The following NEGR1 variants were observed in gnomAD, a reference collection of about 807,000 sequenced individuals.
NEGR1 encodes the protein IgLON family member 4.
A neutral mutation model predicts 40.9 loss-of-function variants in NEGR1; 10 were observed. The observed-to-expected ratio is 0.24, with a 90% CI of 0.15 to 0.42. The LOEUF (loss-of-function observed/expected upper bound fraction) is 0.42. Ranked by LOEUF, NEGR1 falls within the 10% of genes least tolerant of loss-of-function variation. The pLI, the probability that NEGR1 is intolerant of heterozygous loss-of-function variation, is 1.00. For synonymous variants in NEGR1, 185 were observed against 166.8 expected, an observed-to-expected ratio of 1.11 and a Z score of -0.84; for missense variants, 352 against 438.9, an observed-to-expected ratio of 0.80 and a Z score of 1.77.
chr1:72,273,889 T>C (rs1655943988), intron 1 of NEGR1, among the ~76,000 whole-genome samples: 2 of 151,744 alleles, frequency 1.3e-5, no homozygotes, highest in African/African-American at 4.8e-5. Context: ...CATTGATTCA[T>C]TAATTCAAAA....
rs879633322 is a variant in NEGR1, at chr1:72,041,001, T to TAC, written c.177-105691_177-105690insGT. The stretch of plus-strand genomic sequence containing the variant: ...CTGTTTAGGTTCATCCATATGTCAT[T>TAC]GTAAGTAACCAATGTCAATAGTTCT... On this transcript the variant is annotated intron_variant, in intron 1 of 6. Transcript: ENST00000357731. 9.8e-3 allele frequency among the ~76,000 whole-genome samples: 1,492 copies of TAC among 152,092 alleles called. 22 individuals are homozygous for TAC. The highest frequency in any genetic ancestry group is 0.034 in the African/African-American group (1,431 of 41,530).
intron 6 of NEGR1, among the ~76,000 whole-genome samples, chr1:71,481,526 T>C (rs1392238837): frequency 6.6e-6 from 1 of 151,884 alleles, no homozygotes; most frequent in East Asian, 1.9e-4. Flanking sequence ...ACCATACCTA[T>C]TGAATATTAA....
At chr1:71,560,429 T>TTTTATATATA (rs1553150203) in intron 6 of NEGR1, among the ~76,000 whole-genome samples, 4 of 114,266 alleles carry the variant, frequency 3.5e-5, no homozygotes, top group African/African-American at 1.2e-4. Context: ...TAATTCTCCA[T>TTTTATATATA]TATATATATA....
chr1:71,776,126 G>C, intron 3 of NEGR1, 46 bp downstream of exon 3: 1 of 1,481,932 alleles, frequency 6.7e-7, no homozygotes, highest in Non-Finnish European at 9.1e-7. Context: ...GAGGTTACAG[G>C]AGAAAAATGA....
At chr1:72,055,096 A>C (rs1220423843) in intron 1 of NEGR1, among the ~76,000 whole-genome samples, 1 of 151,202 alleles carries the variant, frequency 6.6e-6, no homozygotes. Flanking sequence ...GTTTTTCCTT[A>C]AAAAATAATT....
At chr1:72,228,740 AT>A (rs558964303) in intron 1 of NEGR1, among the ~76,000 whole-genome samples, 37 of 152,240 alleles carry the variant, frequency 2.4e-4, no homozygotes, top group Non-Finnish European at 4.7e-4. Context: ...TAATGTGCTC[AT>A]GTTTTCATTC....
Position 71,999,994 on chromosome 1 carries a change from T to A in NEGR1, c.177-64683A>T, listed in dbSNP as rs549465083. On this transcript the variant is annotated intron_variant, in intron 1 of 6. Coordinates refer to ENST00000357731, the MANE Select transcript of NEGR1 (RefSeq NM_173808.3). ...TATTTGAGCCTCTATTTTGTGTATG[T>A]CATTGTACTGTGAACTAAATGTGCA... Among the ~76,000 whole-genome samples the A allele has an allele frequency of 3.3e-5, 5 of 152,034 alleles. No homozygotes were observed. The East Asian group carries it at 7.7e-4, about 24-fold the overall frequency.
intron 2 of NEGR1, among the ~76,000 whole-genome samples, chr1:71,836,046 T>C (rs1297622749): frequency 6.6e-6 from 1 of 152,010 alleles, no homozygotes; most frequent in African/African-American, 2.4e-5. Context: ...TATTGCAGGG[T>C]GGCTGATCAG....
intron 3 of NEGR1, among the ~76,000 whole-genome samples, chr1:71,735,608 A>G (rs2101669625): frequency 6.6e-6 from 1 of 152,224 alleles, no homozygotes; most frequent in South Asian, 2.1e-4. Flanking sequence ...TAGCTATGAT[A>G]AGAACTGCAA....
In NEGR1 at chr1:71,451,333, A is replaced by ATTTTTTTTT. The variant is rs35201330; in HGVS notation, c.941-43772_941-43764dup. Among the ~76,000 whole-genome samples the ATTTTTTTTT allele has an allele frequency of 1.1e-3, 149 of 138,332 alleles. 1 individual carries two copies. Among genetic ancestry groups the ATTTTTTTTT allele is most frequent in the African/African-American group, 3.7e-3 (134 of 36,636 alleles). The allele number at this position is 138,332 out of a possible 152,430, so 90.8% of individuals were successfully genotyped here. On this transcript the variant is annotated intron_variant, in intron 6 of 6. Transcript: ENST00000357731. ...TGAGAGGCACACAGTAGTGCTACAGATTTTTTTTTTTTTTTTTGAGTCAAA... is the reference window on the plus strand; with the variant it reads ...TGAGAGGCACACAGTAGTGCTACAGATTTTTTTTTTTTTTTTTTTTTTTTTTGAGTCAAA...
At chr1:72,263,452 A>T (rs1230775942) in intron 1 of NEGR1, among the ~76,000 whole-genome samples, 2 of 151,578 alleles carry the variant, frequency 1.3e-5, no homozygotes, top group Non-Finnish European at 3.0e-5. Context: ...AAGAAACATC[A>T]TTTGGAAAAA....
Position 71,579,409 on chromosome 1 carries a change from T to C in NEGR1, c.940+13408A>G, listed in dbSNP as rs1004437902. Among the ~76,000 whole-genome samples, 3 of 152,180 alleles carry C rather than the reference T, an allele frequency of 2.0e-5. 1 individual carries two copies. The highest frequency in any genetic ancestry group is 3.8e-4 in the East Asian group (2 of 5,200). On this transcript the variant is annotated intron_variant, in intron 6 of 6. Transcript: ENST00000357731. Reference sequence around the variant, plus strand: ...TCCCAACACAGCATGAGACTAGGCATATAGATAATAAACTTAATAAGTGAA... The same window carrying C: ...TCCCAACACAGCATGAGACTAGGCACATAGATAATAAACTTAATAAGTGAA...
intron 3 of NEGR1, among the ~76,000 whole-genome samples, chr1:71,770,154 A>C (rs998970710): frequency 6.6e-6 from 1 of 152,220 alleles, no homozygotes; most frequent in South Asian, 2.1e-4. Context: ...CAGATAAAGA[A>C]CCAGTCATAG....
chr1:72,234,702 T>G (rs2100503917), intron 1 of NEGR1, among the ~76,000 whole-genome samples: 1 of 152,120 alleles, frequency 6.6e-6, no homozygotes, highest in African/African-American at 2.4e-5. Flanking sequence ...ATATTACCGA[T>G]CATTAGAGAA....
chr1:71,574,783 C>T (rs141905261), intron 6 of NEGR1, among the ~76,000 whole-genome samples: 1 of 152,166 alleles, frequency 6.6e-6, no homozygotes, highest in Non-Finnish European at 1.5e-5. Context: ...ACTTATTCTA[C>T]ATTAAGTGAT....
intron 4 of NEGR1, among the ~76,000 whole-genome samples, chr1:71,670,710 G>T (rs1652392223): frequency 6.6e-6 from 1 of 151,980 alleles, no homozygotes; most frequent in South Asian, 2.1e-4. Flanking sequence ...TTCTTTCTTG[G>T]ATCGTGAATC....
chr1:71,751,965 G>T (rs1242613424), intron 3 of NEGR1, among the ~76,000 whole-genome samples: 2 of 152,124 alleles, frequency 1.3e-5, no homozygotes, highest in Non-Finnish European at 2.9e-5. Flanking sequence ...GTGGTCATCT[G>T]GGTCATTGGT....
At chr1:71,425,895 C>T (rs1484313705) in intron 6 of NEGR1, among the ~76,000 whole-genome samples, 1 of 152,090 alleles carries the variant, frequency 6.6e-6, no homozygotes, top group Admixed American at 6.6e-5. Context: ...CAAACATTCC[C>T]CTGAGGCTCA....
chr1:71,772,834 G>T (rs1170686954), intron 3 of NEGR1, among the ~76,000 whole-genome samples: 3 of 151,960 alleles, frequency 2.0e-5, no homozygotes, highest in African/African-American at 7.2e-5. Flanking sequence ...AATTGATGAA[G>T]CAAATTGACA....
Sources: gnomAD v4.1 joint callset for allele counts (sites outside exome capture counted in the v4.1 genomes callset) on GRCh38, gnomAD v4.1.1 for gene constraint, MANE v1.5 for transcripts, NCBI Gene and HGNC (gene_info 2026-07-23, HGNC 2026-07-21) for gene names.